Variants in BAZ2B observed in about 807,000 individuals in gnomAD.
BAZ2B encodes the protein bromodomain adjacent to zinc finger domain protein 2B.
A neutral mutation model predicts 246.0 loss-of-function variants in BAZ2B; 91 were observed. The ratio of observed to expected loss-of-function variants is 0.37; its 90% CI spans 0.31 to 0.44. The LOEUF is 0.44. Ranked by LOEUF, BAZ2B falls within the 20% of genes least tolerant of loss-of-function variation. The pLI is 1.00. For synonymous variants in BAZ2B, 855 were observed against 860.0 expected (o/e 0.99, Z 0.10); for missense variants, 2,332 against 2,533.7 (o/e 0.92, Z 1.71).
intron 1 of BAZ2B, among the ~76,000 whole-genome samples, chr2:159,559,905 T>C (rs888546146): frequency 6.6e-6 from 1 of 152,216 alleles, no homozygotes; most frequent in Admixed American, 6.5e-5. Flanking sequence ...TGCAAGTCAC[T>C]GTTTTAGTAA....
intron 6 of BAZ2B, among the ~76,000 whole-genome samples, chr2:159,445,684 T>C (rs1340045460): frequency 7.2e-5 from 11 of 152,204 alleles, no homozygotes; most frequent in Admixed American, 7.2e-4. Flanking sequence ...TGAAACTCAC[T>C]AGACAGTGTA....
At chr2:159,396,470 T>C (rs2064036458) in intron 19 of BAZ2B, 1 of 152,202 alleles carries the variant, frequency 6.6e-6, no homozygotes, top group Admixed American at 6.5e-5. Context: ...TGATACTCTA[T>C]TTAAAGCCAC....
intron 1 of BAZ2B, among the ~76,000 whole-genome samples, chr2:159,568,601 T>C (rs546716276): frequency 6.6e-6 from 1 of 152,098 alleles, no homozygotes; most frequent in Non-Finnish European, 1.5e-5. Flanking sequence ...AAAGTAATAC[T>C]AGTTTTATTC....
chr2:159,529,234 A>G (rs1411184457), intron 2 of BAZ2B, among the ~76,000 whole-genome samples: 1 of 152,030 alleles, frequency 6.6e-6, no homozygotes, highest in Non-Finnish European at 1.5e-5. Context: ...CCATACAACC[A>G]ATGCTCTACC....
intron 27 of BAZ2B, among the ~76,000 whole-genome samples, chr2:159,371,426 G>A (rs2060836739): frequency 1.3e-5 from 2 of 152,172 alleles, no homozygotes; most frequent in Admixed American, 1.3e-4. Context: ...TTAAAGGTGT[G>A]AGCCACCATG....
rs1374256326 is a variant in BAZ2B at position 159,429,201 on chromosome 2, C to A, written c.2254G>T (p.Gly752Cys). ...ERELRIPLEY[G>C]WQRETRIRNF... ...AAAGGAAAACCTTATTTTGCATACC[C>A]ATATTCCAATGGAATACGCAGTTCA... The change falls in exon 11 of 37, where the codon GGC becomes TGC. Residue 752 changes from glycine to cysteine, a missense_variant and splice_region_variant. Gly to Cys is a radical substitution (Grantham distance 159, BLOSUM62 -3). Around this residue, in one of 9 missense-constraint regions of BAZ2B, gnomAD observed 651 missense variants for 650.9 expected, o/e 1.00. Transcript: ENST00000392783. 18 of 1,544,316 alleles carry A rather than the reference C, an allele frequency of 1.2e-5. No homozygotes were observed. The highest frequency in any genetic ancestry group is 1.6e-5 in the Non-Finnish European group (18 of 1,141,640).
At chr2:159,439,390 A>G (rs921500314) in intron 6 of BAZ2B, among the ~76,000 whole-genome samples, 178 bp from the exon 7 acceptor site, 3 of 152,252 alleles carry the variant, frequency 2.0e-5, no homozygotes, top group African/African-American at 7.2e-5. Context: ...AACTTACATG[A>G]CAGAACTCCT....
At chr2:159,681,417 AAAAG>A in the BAZ2B span, among the ~76,000 whole-genome samples, 1 of 151,020 alleles carries the variant, frequency 6.6e-6, no homozygotes, top group Non-Finnish European at 1.5e-5. Flanking sequence ...ATAGATATGA[AAAAG>A]AAACAGACCA....
the BAZ2B span, among the ~76,000 whole-genome samples, chr2:159,634,090 AAT>A: frequency 6.6e-6 from 1 of 152,200 alleles, no homozygotes; most frequent in Admixed American, 6.5e-5. Context: ...AAAATTCAAT[AAT>A]GAGTACAATT....
chr2:159,580,798 G>C (rs78074833), intron 1 of BAZ2B, among the ~76,000 whole-genome samples: 139,918 of 151,602 alleles, frequency 0.92, 65,064 homozygotes, highest in East Asian at 1. Flanking sequence ...ACAAACCTGA[G>C]AAAAACAAGC....
the BAZ2B span, among the ~76,000 whole-genome samples, chr2:159,638,379 T>C: frequency 6.6e-6 from 1 of 152,272 alleles, no homozygotes; most frequent in South Asian, 2.1e-4. Context: ...CAGGAAAACA[T>C]GACCTCACCA....
intron 25 of BAZ2B, among the ~76,000 whole-genome samples, chr2:159,382,357 A>G (rs1202129252): frequency 6.6e-6 from 1 of 152,196 alleles, no homozygotes; most frequent in East Asian, 1.9e-4. Context: ...TTTTATGTAT[A>G]GACATTCTAC....
At chr2:159,337,231 G>A (rs1459390807) in intron 32 of BAZ2B, among the ~76,000 whole-genome samples, 154 bp from the exon 33 acceptor site, 1 of 152,194 alleles carries the variant, frequency 6.6e-6, no homozygotes, top group Non-Finnish European at 1.5e-5. Context: ...GTAGTGCACA[G>A]ACTGTGGCTA....
chr2:159,541,557 G>A (rs997556198), intron 2 of BAZ2B, among the ~76,000 whole-genome samples: 3 of 152,086 alleles, frequency 2.0e-5, no homozygotes, highest in African/African-American at 7.2e-5. Context: ...GTGATTACAG[G>A]TGTGAGCCAC....
In BAZ2B at chr2:159,325,764, A is replaced by G. The variant is rs2063630670; in HGVS notation, c.6098T>C (p.Leu2033Pro). The change falls in exon 35 of 37, where the codon CTC becomes CCC. Residue 2033 changes from leucine (L) to proline (P), a missense_variant. By Grantham distance (98) the Leu-to-Pro change is moderately conservative (BLOSUM62 -3). Around this residue, in one of 9 missense-constraint regions of BAZ2B, gnomAD observed 210 missense variants for 232.5 expected, o/e 0.90. Coordinates refer to ENST00000392783, the MANE Select transcript of BAZ2B (RefSeq NM_013450.4). ...GTTTTCCTCCATTTTTCTTTTCTTGAGGTCTTTGTTTCCTCTTTTTAGTGA... is the reference window on the plus strand; with the variant it reads ...GTTTTCCTCCATTTTTCTTTTCTTGGGGTCTTTGTTTCCTCTTTTTAGTGA... ...SSSLKRGNKD[L>P]KKRKMEENTS... 6.2e-7 allele frequency: 1 copy of G among 1,602,064 alleles called. No homozygotes were observed. The highest frequency in any genetic ancestry group is 1.8e-5 in the Admixed American group (1 of 56,850).
intron 2 of BAZ2B, among the ~76,000 whole-genome samples, chr2:159,511,860 A>G (rs1185354082): frequency 6.6e-6 from 1 of 152,188 alleles, no homozygotes; most frequent in Non-Finnish European, 1.5e-5. Flanking sequence ...TAATCTGTTT[A>G]ATGATTACAG....
At chr2:159,563,144 C>G (rs1240376235) in intron 1 of BAZ2B, among the ~76,000 whole-genome samples, 3 of 152,082 alleles carry the variant, frequency 2.0e-5, no homozygotes, top group Admixed American at 2.0e-4. Context: ...TTGTATTTTA[C>G]TGTTTTTATT....
chr2:159,681,734 G>A, the BAZ2B span, among the ~76,000 whole-genome samples: 1 of 152,080 alleles, frequency 6.6e-6, no homozygotes, highest in African/African-American at 2.4e-5. Context: ...AGACCAGCCT[G>A]ACTAACATGG....
chr2:159,624,740 G>T, the BAZ2B span, among the ~76,000 whole-genome samples: 1 of 152,142 alleles, frequency 6.6e-6, no homozygotes, highest in African/African-American at 2.4e-5. Context: ...AGCCCAAAAA[G>T]GCTGAAAATT....
Sources: gnomAD v4.1 joint callset for allele counts (sites outside exome capture counted in the v4.1 genomes callset) on GRCh38, gnomAD v4.1.1 for gene constraint, gnomAD v4.1.1 regional missense constraint, MANE v1.5 for transcripts, NCBI Gene and HGNC (gene_info 2026-07-23, HGNC 2026-07-21) for gene names.